DLGAP2: variants seen among roughly 807,000 people sequenced by gnomAD.
The protein encoded by DLGAP2 is DLG associated protein 2, also known as disks large-associated protein 2.
In DLGAP2, 26 loss-of-function variants were observed where a neutral mutation model predicts 100.3. That is an observed-to-expected ratio of 0.26 (90% CI 0.19 to 0.36). The LOEUF (loss-of-function observed/expected upper bound fraction) is 0.36. Among genes scored for constraint, DLGAP2 ranks in the 10% least tolerant of loss-of-function variants. The probability of loss-of-function intolerance (pLI) is 1.00; values close to 1 mark genes in which losing one functional copy is unlikely to be tolerated. For missense variants in DLGAP2, 1,858 were observed against 1,453.2 expected (o/e 1.28, Z -4.53); for synonymous variants, 886 against 630.1 (o/e 1.41, Z -6.08).
At chr8:1,254,994 C>T (rs1799149596) in intron 2 of DLGAP2, among the ~76,000 whole-genome samples, 2 of 130,150 alleles carry the variant, frequency 1.5e-5, no homozygotes, top group Admixed American at 7.5e-5. Context: ...GTGTGTGTGT[C>T]CTCTCATCCT....
intron 2 of DLGAP2, among the ~76,000 whole-genome samples, chr8:1,254,128 C>T (rs571186798): frequency 3.3e-5 from 5 of 152,318 alleles, no homozygotes; most frequent in Non-Finnish European, 5.9e-5. Flanking sequence ...CCCAGTGTGC[C>T]TGTGGGCTCA....
chr8:1,511,443 C>G (rs1305938245), intron 4 of DLGAP2, among the ~76,000 whole-genome samples: 1 of 143,966 alleles, frequency 6.9e-6, no homozygotes, highest in Non-Finnish European at 1.5e-5. Context: ...AGATGACCAT[C>G]TTCCATGGAC....
chr8:879,000 G>A (rs1398745121), intron 1 of DLGAP2, among the ~76,000 whole-genome samples: 1 of 152,216 alleles, frequency 6.6e-6, no homozygotes, highest in African/African-American at 2.4e-5. Context: ...TGGTACTCTG[G>A]TCTGGGCTCA....
intron 3 of DLGAP2, among the ~76,000 whole-genome samples, chr8:1,450,495 C>T (rs536372416): frequency 3.4e-5 from 5 of 147,838 alleles, no homozygotes; most frequent in African/African-American, 5.0e-5. Context: ...ATGAGGTGGG[C>T]GGCCTCGGTG....
At chr8:1,451,567 T>C (rs1043605317) in intron 3 of DLGAP2, among the ~76,000 whole-genome samples, 7 of 152,130 alleles carry the variant, frequency 4.6e-5, no homozygotes, top group African/African-American at 1.7e-4. Flanking sequence ...TCTGGCCTCA[T>C]CAAATCCGAG....
chr8:1,050,276 A>G (rs367564318), intron 2 of DLGAP2, among the ~76,000 whole-genome samples: 35 of 152,366 alleles, frequency 2.3e-4, no homozygotes, highest in Non-Finnish European at 3.4e-4. Context: ...GGATGGTTCA[A>G]ACATGATACA....
intron 8 of DLGAP2, among the ~76,000 whole-genome samples, chr8:1,637,492 G>A (rs974211204): frequency 2.0e-5 from 3 of 151,910 alleles, no homozygotes; most frequent in Admixed American, 2.0e-4. Flanking sequence ...GGACCAGCCT[G>A]CACACCCCAC....
At chr8:1,473,161 C>A (rs1274676739) in intron 3 of DLGAP2, among the ~76,000 whole-genome samples, 2 of 152,224 alleles carry the variant, frequency 1.3e-5, no homozygotes, top group Admixed American at 6.5e-5. Flanking sequence ...AAACCCCTGA[C>A]CTCAGATGAT....
At chr8:1,031,600 G>A (rs1361558978) in intron 2 of DLGAP2, among the ~76,000 whole-genome samples, 1 of 151,884 alleles carries the variant, frequency 6.6e-6, no homozygotes, top group Non-Finnish European at 1.5e-5. Flanking sequence ...TTGTAGAGAC[G>A]AGGTCTCATC....
intron 13 of DLGAP2, among the ~76,000 whole-genome samples, chr8:1,695,516 G>C (rs1400792214): frequency 1.3e-5 from 2 of 148,520 alleles, no homozygotes; most frequent in Non-Finnish European, 3.0e-5. Flanking sequence ...TACAGAAAGG[G>C]GGCACAGCCA....
At chr8:1,318,817 A>G (rs11136380) in intron 3 of DLGAP2, among the ~76,000 whole-genome samples, 46,186 of 120,952 alleles carry the variant, frequency 0.38, 8,353 homozygotes, top group Admixed American at 0.53. Context: ...GGGGCCTCCA[A>G]TGTGTTCCCC....
intron 2 of DLGAP2, among the ~76,000 whole-genome samples, chr8:915,501 C>T (rs370251915): frequency 2.6e-5 from 4 of 151,556 alleles, no homozygotes; most frequent in Non-Finnish European, 4.4e-5. Context: ...GAGCCGAGAT[C>T]GCACCACTGC....
chr8:1,564,931 G>A (rs1195750788), intron 5 of DLGAP2, among the ~76,000 whole-genome samples: 1 of 152,082 alleles, frequency 6.6e-6, no homozygotes, highest in Non-Finnish European at 1.5e-5. Flanking sequence ...TGGGTGCTGA[G>A]TTCCATACCA....
At chr8:1,608,018 C>G (rs1480849238) in intron 6 of DLGAP2, among the ~76,000 whole-genome samples, 18 of 98,702 alleles carry the variant, frequency 1.8e-4, no homozygotes, top group East Asian at 2.6e-4. Context: ...CCGGGAAGCT[C>G]GAACTGGGTG....
intron 2 of DLGAP2, among the ~76,000 whole-genome samples, chr8:1,211,953 C>A (rs577114070): frequency 1.3e-5 from 2 of 152,222 alleles, no homozygotes; most frequent in Admixed American, 1.3e-4. Context: ...TCCAGGCCAC[C>A]ATTGTCAGGA....
intron 3 of DLGAP2, among the ~76,000 whole-genome samples, chr8:1,296,543 G>A (rs1306326114): frequency 2.6e-5 from 4 of 152,148 alleles, no homozygotes; most frequent in African/African-American, 9.7e-5. Context: ...CTTGCAGAGT[G>A]TGCGTTTTAT....
intron 3 of DLGAP2, among the ~76,000 whole-genome samples, chr8:1,325,774 G>A (rs1257966102): frequency 1.3e-5 from 2 of 152,192 alleles, no homozygotes; most frequent in Non-Finnish European, 2.9e-5. Context: ...CCTGAGACGG[G>A]TGAAATGTTA....
At chr8:921,673 G>C (rs1186970464) in intron 2 of DLGAP2, among the ~76,000 whole-genome samples, 1 of 152,256 alleles carries the variant, frequency 6.6e-6, no homozygotes, top group East Asian at 1.9e-4. Context: ...TTCTGTACCT[G>C]TCACGGCTAC....
intron 2 of DLGAP2, among the ~76,000 whole-genome samples, chr8:910,103 C>T (rs967060453): frequency 1.3e-5 from 2 of 152,190 alleles, no homozygotes; most frequent in Non-Finnish European, 1.5e-5. Context: ...AGGGTGGGGA[C>T]GGCTGCCCGG....
Sources: gnomAD v4.1 joint callset for allele counts (sites outside exome capture counted in the v4.1 genomes callset) on GRCh38, gnomAD v4.1.1 for gene constraint, MANE v1.5 for transcripts, NCBI Gene and HGNC (gene_info 2026-07-23, HGNC 2026-07-21) for gene names.